DNER: variants seen among roughly 807,000 people sequenced by gnomAD.
DNER encodes the protein delta and Notch-like epidermal growth factor-related receptor.
DNER carries 33 observed loss-of-function variants against 78.2 expected under a neutral mutation model. The observed-to-expected ratio is 0.42, with a 90% CI of 0.32 to 0.56. The LOEUF (loss-of-function observed/expected upper bound fraction) is 0.56, where lower values mean the gene tolerates loss of function less well. Ranked by LOEUF, DNER falls within the 20% of genes least tolerant of loss-of-function variation. The probability of loss-of-function intolerance (pLI) is 0.11; values close to 1 mark genes in which losing one functional copy is unlikely to be tolerated. For synonymous variants in DNER, 417 were observed against 384.8 expected, an observed-to-expected ratio of 1.08 and a Z score of -0.98; for missense variants, 918 against 975.3, an observed-to-expected ratio of 0.94 and a Z score of 0.78.
intron 10 of DNER, among the ~76,000 whole-genome samples, chr2:229,392,009 T>A (rs531262182): frequency 9.7e-4 from 147 of 152,228 alleles, no homozygotes; most frequent in African/African-American, 3.2e-3. Context: ...CCGCTGTTAG[T>A]AAATCCTTGG....
At chr2:229,558,801 A>G (rs193119758) in intron 4 of DNER, among the ~76,000 whole-genome samples, 39 of 152,308 alleles carry the variant, frequency 2.6e-4, no homozygotes, top group African/African-American at 9.1e-4. Flanking sequence ...AAAATGAGCC[A>G]GCAAGAAAAG....
chr2:229,577,521 G>T lies in DNER; in HGVS notation c.847+8337C>A, dbSNP rs552556842. On this transcript the variant is annotated intron_variant, in intron 4 of 12. Coordinates refer to ENST00000341772, the MANE Select transcript of DNER (RefSeq NM_139072.4). The stretch of plus-strand genomic sequence containing the variant: ...GTGGTGGTGGGAGCCTGTAACCCCA[G>T]CTACTCAGGAGGCTGAGGCAGGAGA... 1.2e-3 allele frequency among the ~76,000 whole-genome samples: 187 copies of T among 152,240 alleles called. 1 individual carries two copies. Among genetic ancestry groups the T allele is most frequent in the Middle Eastern group, 6.8e-3 (2 of 294 alleles).
intron 11 of DNER, among the ~76,000 whole-genome samples, chr2:229,380,952 TAAA>T (rs1692721796): frequency 6.6e-6 from 1 of 151,342 alleles, no homozygotes; most frequent in Non-Finnish European, 1.5e-5. Flanking sequence ...TAAAATAAAA[TAAA>T]AAAAGAAAAC....
intron 1 of DNER, among the ~76,000 whole-genome samples, chr2:229,593,504 G>A (rs907077309): frequency 2.0e-5 from 3 of 152,120 alleles, no homozygotes; most frequent in African/African-American, 7.2e-5. Flanking sequence ...ACAAAAATGT[G>A]AGCTGCACGA....
chr2:229,616,481 C>A (rs1373501164), intron 1 of DNER, among the ~76,000 whole-genome samples: 2 of 152,228 alleles, frequency 1.3e-5, no homozygotes, highest in South Asian at 4.1e-4. Flanking sequence ...AGAGAGCACA[C>A]GAACATTACA....
At chr2:229,523,277 C>A (rs1453870018) in intron 5 of DNER, among the ~76,000 whole-genome samples, 1 of 152,234 alleles carries the variant, frequency 6.6e-6, no homozygotes, top group Non-Finnish European at 1.5e-5. Context: ...CTTTCCTACT[C>A]TTTCTGTATT....
At chr2:229,412,305 C>A (rs1003304117) in intron 9 of DNER, among the ~76,000 whole-genome samples, 2 of 152,192 alleles carry the variant, frequency 1.3e-5, no homozygotes, top group Non-Finnish European at 2.9e-5. Context: ...GACTTACATT[C>A]CATGAAAATG....
intron 1 of DNER, among the ~76,000 whole-genome samples, chr2:229,634,874 C>T (rs1486347266): frequency 6.6e-6 from 1 of 152,178 alleles, no homozygotes; most frequent in Non-Finnish European, 1.5e-5. Flanking sequence ...CCTTTCCCCC[C>T]ACCAATGGAA....
At chr2:229,453,387 A>G (rs1013375590) in intron 7 of DNER, among the ~76,000 whole-genome samples, 2 of 152,174 alleles carry the variant, frequency 1.3e-5, no homozygotes, top group Admixed American at 6.5e-5. Flanking sequence ...GTGAGTTGAG[A>G]TGCTTTTGCA....
chr2:229,475,306 C>T (rs761887106), intron 7 of DNER, among the ~76,000 whole-genome samples: 115 of 152,294 alleles, frequency 7.6e-4, no homozygotes, highest in Non-Finnish European at 1.5e-3. Flanking sequence ...AAAGGCCTTG[C>T]GGGGCTCACC....
intron 4 of DNER, among the ~76,000 whole-genome samples, chr2:229,573,183 C>G (rs984644080): frequency 7.9e-5 from 12 of 152,108 alleles, no homozygotes; most frequent in Non-Finnish European, 1.5e-5. Flanking sequence ...GTCTACCAAG[C>G]AAATATAACT....
At chr2:229,422,560 C>A (rs1185776357) in intron 8 of DNER, among the ~76,000 whole-genome samples, 1 of 151,960 alleles carries the variant, frequency 6.6e-6, no homozygotes, top group Non-Finnish European at 1.5e-5. Flanking sequence ...GTCATTATCA[C>A]CAAGAGGTAC....
intron 1 of DNER, among the ~76,000 whole-genome samples, chr2:229,598,882 C>T (rs1307322177): frequency 6.6e-6 from 1 of 152,062 alleles, no homozygotes; most frequent in Non-Finnish European, 1.5e-5. Flanking sequence ...TCTCGAAAGG[C>T]CTCCTCCAGC....
chr2:229,575,005 G>A (rs2111191), intron 4 of DNER, among the ~76,000 whole-genome samples: 151,328 of 152,334 alleles, frequency 0.99, 75,174 homozygotes, highest in Middle Eastern at 1. Context: ...ATATTTAATC[G>A]AATTCCACAG....
At chr2:229,388,784 T>C (rs1236028280) in intron 10 of DNER, among the ~76,000 whole-genome samples, 1 of 151,536 alleles carries the variant, frequency 6.6e-6, no homozygotes, top group Non-Finnish European at 1.5e-5. Context: ...GGGATCTTGA[T>C]ATTATTAAAG....
At chr2:229,499,444 C>CAAAAA (rs777417272) in intron 6 of DNER, among the ~76,000 whole-genome samples, 7 of 74,818 alleles carry the variant, frequency 9.4e-5, no homozygotes, top group Admixed American at 1.5e-4. Context: ...GACTCCAACT[C>CAAAAA]AAAAAAAAAA....
intron 1 of DNER, among the ~76,000 whole-genome samples, chr2:229,625,276 G>A (rs530625215): frequency 6.6e-6 from 1 of 152,242 alleles, no homozygotes; most frequent in South Asian, 2.1e-4. Context: ...GGGAGGGGTG[G>A]CAGGAGGAAG....
chr2:229,664,118 T>A (rs1351696350), intron 1 of DNER, among the ~76,000 whole-genome samples: 1 of 152,208 alleles, frequency 6.6e-6, no homozygotes, highest in Non-Finnish European at 1.5e-5. Context: ...ATCCTGTAAT[T>A]CACAAAATAT....
intron 11 of DNER, among the ~76,000 whole-genome samples, chr2:229,385,538 G>A (rs1286866608): frequency 6.6e-6 from 1 of 152,176 alleles, no homozygotes. Context: ...AATTGTCTCT[G>A]TTTGCAGATG....
Sources: allele counts gnomAD v4.1 joint callset (sites outside exome capture counted in the v4.1 genomes callset), GRCh38; gene constraint gnomAD v4.1.1; transcripts MANE v1.5; gene names NCBI Gene and HGNC (gene_info 2026-07-23, HGNC 2026-07-21).